The following DSCAML1 variants were observed in gnomAD, a reference collection of about 807,000 sequenced individuals.
The protein encoded by DSCAML1 is cell adhesion molecule DSCAML1.
Under a neutral mutation model 200.5 loss-of-function variants are expected in DSCAML1, and 38 were observed. The ratio of observed to expected loss-of-function variants is 0.19; its 90% CI spans 0.15 to 0.25. The LOEUF (loss-of-function observed/expected upper bound fraction) is 0.25. Ranked by LOEUF, DSCAML1 falls within the 10% of genes least tolerant of loss-of-function variation. The probability of loss-of-function intolerance (pLI) is 1.00; values close to 1 mark genes in which losing one functional copy is unlikely to be tolerated. For missense variants in DSCAML1, 2,223 were observed against 2,858.8 expected (o/e 0.78, Z 5.07); for synonymous variants, 1,215 against 1,165.0 (o/e 1.04, Z -0.87).
chr11:117,792,357 A>T (rs1393064141), intron 1 of DSCAML1, among the ~76,000 whole-genome samples: 3 of 151,928 alleles, frequency 2.0e-5, no homozygotes, highest in African/African-American at 7.3e-5. Flanking sequence ...CCACACTCCC[A>T]CTGCAGCATC....
At chr11:117,524,736 A>G in intron 5 of DSCAML1, 69 bp downstream of exon 5, 1 of 1,508,978 alleles carries the variant, frequency 6.6e-7, no homozygotes, top group Non-Finnish European at 8.9e-7. Context: ...TGTCGGCCAC[A>G]CTCCTCCCCC....
chr11:117,793,304 T>C (rs1242874563), intron 1 of DSCAML1, among the ~76,000 whole-genome samples: 1 of 152,140 alleles, frequency 6.6e-6, no homozygotes, highest in Non-Finnish European at 1.5e-5. Context: ...GGGGATCTTC[T>C]CTTGACTACT....
In DSCAML1 at chr11:117,780,865, T is replaced by C; in HGVS notation, c.47-55A>G. 7.4e-7 allele frequency: 1 copy of C among 1,352,436 alleles called. No homozygotes were observed. Among genetic ancestry groups the C allele is most frequent in the Non-Finnish European group, 9.5e-7 (1 of 1,047,416 alleles). The allele number at this position is 1,352,436 out of a possible 1,614,324, so 83.8% of individuals were successfully genotyped here. On this transcript the variant is annotated intron_variant, in intron 1 of 32. Transcript: ENST00000651296. The surrounding 1 kb of genome is among the most constrained non-coding windows in gnomAD (Gnocchi z 4.8). ...TTAGCATGGGCTCTAACAATACCCA[T>C]ATAAGCCACGGAGGCTTGCGACAGG...
intron 3 of DSCAML1, among the ~76,000 whole-genome samples, chr11:117,690,672 C>A (rs997302208): frequency 1.3e-5 from 2 of 152,228 alleles, no homozygotes; most frequent in African/African-American, 4.8e-5. Flanking sequence ...CTGGACCATG[C>A]TCACCCCTCC....
At position 117,497,514 on chromosome 11, in the gene DSCAML1, A is replaced by G. The variant is rs552842264; in HGVS notation, c.2359+6331T>C. Among the ~76,000 whole-genome samples, 5 of 152,360 alleles carry G rather than the reference A, an allele frequency of 3.3e-5. No homozygotes were observed. In the South Asian group the frequency reaches 1.0e-3, roughly 32 times the overall value. Reference sequence around the variant, plus strand: ...CTCTGTTTGATGAAGCAGGAGTCAGAGTGTTGCTCCTTATTCTGTGAAGTC... The same window carrying G: ...CTCTGTTTGATGAAGCAGGAGTCAGGGTGTTGCTCCTTATTCTGTGAAGTC... On this transcript the variant is annotated intron_variant, in intron 11 of 32. Transcript: ENST00000651296.
intron 3 of DSCAML1, among the ~76,000 whole-genome samples, chr11:117,758,465 G>A (rs1360281149): frequency 2.6e-5 from 4 of 151,716 alleles, no homozygotes; most frequent in African/African-American, 7.3e-5. Flanking sequence ...GCAGTGGCGC[G>A]ATCTCGGCTC....
intron 3 of DSCAML1, among the ~76,000 whole-genome samples, chr11:117,638,708 T>G (rs1204179069): frequency 6.6e-6 from 1 of 152,232 alleles, no homozygotes; most frequent in Non-Finnish European, 1.5e-5. Flanking sequence ...AATCTGTACT[T>G]CATCCCTTTT....
At chr11:117,515,014 C>T (rs1301726886) in intron 8 of DSCAML1, among the ~76,000 whole-genome samples, 1 of 152,006 alleles carries the variant, frequency 6.6e-6, no homozygotes, top group East Asian at 1.9e-4. Flanking sequence ...GTGAGAGGCA[C>T]ACAGTGCGCC....
intron 3 of DSCAML1, among the ~76,000 whole-genome samples, chr11:117,686,856 A>G (rs545200332): frequency 2.9e-4 from 44 of 152,324 alleles, no homozygotes; most frequent in Admixed American, 2.4e-3. Context: ...GATGATGATG[A>G]TGATGGTAAC....
chr11:117,591,488 T>C (rs748786409), intron 3 of DSCAML1, among the ~76,000 whole-genome samples: 41 of 152,336 alleles, frequency 2.7e-4, no homozygotes, highest in African/African-American at 8.4e-4. Context: ...ATTTACTGTA[T>C]TGTATCAGAG....
chr11:117,753,346 C>G (rs972446857), intron 3 of DSCAML1, among the ~76,000 whole-genome samples: 3 of 152,160 alleles, frequency 2.0e-5, no homozygotes, highest in Non-Finnish European at 4.4e-5. Flanking sequence ...GTCCCGCATT[C>G]TTCTCCTCCC....
At chr11:117,721,682 C>A (rs2054043270) in intron 3 of DSCAML1, among the ~76,000 whole-genome samples, 3 of 145,974 alleles carry the variant, frequency 2.1e-5, no homozygotes, top group African/African-American at 7.5e-5. Flanking sequence ...AATATATAAG[C>A]ATATATTTAT....
At position 117,518,891 on chromosome 11, in the gene DSCAML1, C is replaced by T; in HGVS notation, c.1214-129G>A. On this transcript the variant is annotated intron_variant, in intron 6 of 32. Coordinates refer to ENST00000651296, the MANE Select transcript of DSCAML1 (RefSeq NM_020693.4). This position sits in a 1 kb window ranked among gnomAD's most constrained non-coding sequence, Gnocchi z 6.3. ...AGCAAACAAGAACTTTTGTGTACATCAATTCTTCTGCTATCCGCAACCCCA... is the reference window on the plus strand; with the variant it reads ...AGCAAACAAGAACTTTTGTGTACATTAATTCTTCTGCTATCCGCAACCCCA... 9.5e-7 allele frequency: 1 copy of T among 1,047,902 alleles called. No homozygotes were observed. The highest frequency in any genetic ancestry group is 2.6e-5 in the East Asian group (1 of 38,404). 64.9% of individuals were successfully genotyped at this position (1,047,902 alleles called of 1,614,324 possible). A position where few individuals can be genotyped will look rare whatever the true frequency, so the allele number is the denominator to read the frequency against.
chr11:117,647,025 CCT>C (rs925879836), intron 3 of DSCAML1, among the ~76,000 whole-genome samples: 1 of 152,206 alleles, frequency 6.6e-6, no homozygotes, highest in Non-Finnish European at 1.5e-5. Flanking sequence ...CTTGTCCAAT[CCT>C]CTCATGTTTG....
At chr11:117,467,164 G>A (rs2048595197) in intron 16 of DSCAML1, among the ~76,000 whole-genome samples, 1 of 149,474 alleles carries the variant, frequency 6.7e-6, no homozygotes. Context: ...CACCCAGCCA[G>A]GTGCGCGCAC....
chr11:117,437,181 C>T lies in DSCAML1; in HGVS notation c.4661G>A (p.Cys1554Tyr). The stretch of plus-strand genomic sequence containing the variant: ...TTCATTGCCGCAGCCCGCACTGTTG[C>T]AAGCCCTCATGCGCAGCTCGTACCA... ...ATWYELRMRA[C>Y]NSAGCGNETA... The change falls in exon 26 of 33, where the codon TGC becomes TAC. Residue 1554 changes from cysteine (C) to tyrosine (Y), a missense_variant. Transcript: ENST00000651296. The surrounding 1 kb of genome is among the most constrained non-coding windows in gnomAD (Gnocchi z 5.3). 1 of 1,614,216 alleles carries T rather than the reference C, an allele frequency of 6.2e-7. No homozygotes were observed. Among genetic ancestry groups the T allele is most frequent in the South Asian group, 1.1e-5 (1 of 91,084 alleles).
At chr11:117,500,007 A>G (rs2049366493) in intron 11 of DSCAML1, among the ~76,000 whole-genome samples, 1 of 152,220 alleles carries the variant, frequency 6.6e-6, no homozygotes, top group South Asian at 2.1e-4. Context: ...AGGCCATAGC[A>G]TCTCACATTT....
intron 7 of DSCAML1, among the ~76,000 whole-genome samples, chr11:117,517,007 A>G (rs1321836957): frequency 2.0e-5 from 3 of 152,216 alleles, no homozygotes; most frequent in African/African-American, 7.2e-5. Flanking sequence ...TGCCTTGGCC[A>G]AGAGCCATTC....
intron 3 of DSCAML1, among the ~76,000 whole-genome samples, chr11:117,553,229 A>C (rs1295313248): frequency 6.6e-6 from 1 of 152,248 alleles, no homozygotes; most frequent in Non-Finnish European, 1.5e-5. Flanking sequence ...ATCTGGCAAC[A>C]ATTTCTTGGA....
Sources: gnomAD v4.1 joint callset for allele counts (sites outside exome capture counted in the v4.1 genomes callset) on GRCh38, gnomAD v4.1.1 for gene constraint, Gnocchi (gnomAD v3.1) non-coding constraint, MANE v1.5 for transcripts, NCBI Gene and HGNC (gene_info 2026-07-23, HGNC 2026-07-21) for gene names.